Variants in CGGBP1 observed in about 807,000 individuals in gnomAD.
CGGBP1 encodes CGG triplet repeat binding protein 1, also known as CGG triplet repeat-binding protein 1.
CGGBP1 carries 4 observed loss-of-function variants against 11.4 expected under a neutral mutation model. The observed-to-expected ratio is 0.35, with a 90% CI of 0.17 to 0.80. The LOEUF (loss-of-function observed/expected upper bound fraction) is 0.80. Among genes scored for constraint, CGGBP1 ranks in the 30% least tolerant of loss-of-function variants. The probability of loss-of-function intolerance (pLI) is 0.52; values close to 1 mark genes in which losing one functional copy is unlikely to be tolerated. For synonymous variants in CGGBP1, 76 were observed against 74.1 expected (o/e 1.03, Z -0.13); for missense variants, 135 against 202.1 (o/e 0.67, Z 2.01).
At chr3:88,129,926 C>G (rs755669801) in intron 2 of CGGBP1, 1 of 1,112,736 alleles carries the variant, frequency 9.0e-7, no homozygotes, top group Non-Finnish European at 1.2e-6. Context: ...AAATGTCAAG[C>G]TACTTTTAAA....
intron 2 of CGGBP1, among the ~76,000 whole-genome samples, chr3:88,136,398 A>G (rs1706785956): frequency 6.6e-6 from 1 of 152,210 alleles, no homozygotes; most frequent in Admixed American, 6.6e-5. Context: ...ACTCTACTAA[A>G]AAGACTTTTA....
At chr3:88,135,758 G>A (rs555915404) in intron 2 of CGGBP1, among the ~76,000 whole-genome samples, 103 of 152,166 alleles carry the variant, frequency 6.8e-4, no homozygotes, top group African/African-American at 2.3e-3. Context: ...TGAGTCTTAC[G>A]TAGACATGAA....
intron 2 of CGGBP1, among the ~76,000 whole-genome samples, chr3:88,110,608 A>G (rs980257969): frequency 6.6e-6 from 1 of 152,090 alleles, no homozygotes; most frequent in African/African-American, 2.4e-5. Context: ...CTTGCTGTAG[A>G]CTGTTACTCA....
intron 3 of CGGBP1, 124 bp downstream of exon 3, chr3:88,057,067 T>G (rs1706562532): frequency 1.3e-5 from 2 of 152,164 alleles, no homozygotes; most frequent in African/African-American, 4.8e-5. Flanking sequence ...AAAGTGAATT[T>G]GATAAAATTC....
Position 88,053,607 on chromosome 3 carries a change from G to A in CGGBP1, c.*1866C>T, listed in dbSNP as rs1051383. The stretch of plus-strand genomic sequence containing the variant: ...CAAATTAATACCCAAATAATAGGGA[G>A]CAGTTTGAATCACATGGAATTTCAA... On this transcript the variant is annotated 3_prime_UTR_variant, in exon 4 of 4. Coordinates refer to ENST00000482016, the MANE Select transcript of CGGBP1 (RefSeq NM_001008390.2). The A allele has an allele frequency of 0.78, 119,266 of 152,420 alleles. 47,581 individuals carry two copies. The highest frequency in any genetic ancestry group is 0.91 in the South Asian group (4,392 of 4,828). The allele number at this position is 152,420 out of a possible 1,614,324, so 9.4% of individuals were successfully genotyped here. A position where few individuals can be genotyped will look rare whatever the true frequency, so the allele number is the denominator to read the frequency against.
At chr3:88,066,462 T>C (rs777270162) in intron 2 of CGGBP1, among the ~76,000 whole-genome samples, 2 of 152,042 alleles carry the variant, frequency 1.3e-5, no homozygotes, top group South Asian at 2.1e-4. Flanking sequence ...TAGTCCCAGC[T>C]ACTTGGGAGG....
intron 2 of CGGBP1, among the ~76,000 whole-genome samples, chr3:88,136,694 T>G (rs1276283145): frequency 2.0e-5 from 3 of 152,148 alleles, no homozygotes; most frequent in Non-Finnish European, 2.9e-5. Flanking sequence ...TGGCAGAGAC[T>G]GTGTGTGTTA....
intron 2 of CGGBP1, among the ~76,000 whole-genome samples, chr3:88,126,579 CT>C (rs144091813): frequency 0.34 from 27,644 of 81,752 alleles, 3,475 homozygotes; most frequent in Non-Finnish European, 0.37. Context: ...GTAGAAACAT[CT>C]TTTTTTTTTT....
chr3:88,092,876 G>C (rs1703830292), intron 2 of CGGBP1, among the ~76,000 whole-genome samples: 1 of 152,120 alleles, frequency 6.6e-6, no homozygotes, highest in Non-Finnish European at 1.5e-5. Context: ...CCTTCTATCA[G>C]CTGGGACACT....
intron 2 of CGGBP1, among the ~76,000 whole-genome samples, chr3:88,082,284 G>A (rs1437144787): frequency 1.3e-5 from 2 of 151,956 alleles, no homozygotes; most frequent in African/African-American, 2.4e-5. Context: ...GTGCCACCAC[G>A]CCCAGCTAAT....
At chr3:88,113,215 C>G (rs1705197965) in intron 2 of CGGBP1, 1 of 1,465,140 alleles carries the variant, frequency 6.8e-7, no homozygotes, top group Non-Finnish European at 9.2e-7. Flanking sequence ...CAGTTTACTA[C>G]TTCACACTTT....
chr3:88,066,589 A>C (rs75385040), intron 2 of CGGBP1, among the ~76,000 whole-genome samples: 1 of 151,746 alleles, frequency 6.6e-6, no homozygotes, highest in Non-Finnish European at 1.5e-5. Context: ...CAAAAAAAAC[A>C]AAAAAACCTC....
intron 2 of CGGBP1, among the ~76,000 whole-genome samples, chr3:88,101,801 G>T (rs1475527234): frequency 6.6e-6 from 1 of 152,108 alleles, no homozygotes; most frequent in Non-Finnish European, 1.5e-5. Flanking sequence ...GGGGGTAGCA[G>T]TTTCTTTACA....
chr3:88,113,819 C>T (rs1263853818), intron 2 of CGGBP1, among the ~76,000 whole-genome samples: 2 of 55,054 alleles, frequency 3.6e-5, no homozygotes, highest in Non-Finnish European at 1.1e-4. Context: ...ATACAGACAA[C>T]ATATCTTATA....
intron 2 of CGGBP1, among the ~76,000 whole-genome samples, chr3:88,104,002 T>C (rs1704591900): frequency 1.3e-5 from 2 of 152,006 alleles, no homozygotes; most frequent in African/African-American, 4.8e-5. Context: ...CCTCAGGCGA[T>C]CCACCTGCCT....
intron 1 of CGGBP1, among the ~76,000 whole-genome samples, chr3:88,148,905 T>A (rs1461128765): frequency 6.6e-6 from 1 of 152,162 alleles, no homozygotes; most frequent in Admixed American, 6.5e-5. Flanking sequence ...CATCCCGAAG[T>A]GCTGAGATTA....
chr3:88,126,019 T>G (rs1706079476), intron 2 of CGGBP1: 1 of 1,155,810 alleles, frequency 8.7e-7, no homozygotes, highest in Non-Finnish European at 1.2e-6. Flanking sequence ...ACCCTTTCTC[T>G]TTTATAATTT....
At chr3:88,086,535 T>C in intron 2 of CGGBP1, 1 of 816,874 alleles carries the variant, frequency 1.2e-6, no homozygotes, top group Non-Finnish European at 1.8e-6. Flanking sequence ...TTTTTTTCAC[T>C]GAAGTATTCA....
At chr3:88,108,298 A>G (rs1704869626) in intron 2 of CGGBP1, among the ~76,000 whole-genome samples, 1 of 151,792 alleles carries the variant, frequency 6.6e-6, no homozygotes, top group Non-Finnish European at 1.5e-5. Flanking sequence ...TGGTGTAGCT[A>G]TTTGAATTTT....
Sources: gnomAD v4.1 joint callset for allele counts (sites outside exome capture counted in the v4.1 genomes callset) on GRCh38, gnomAD v4.1.1 for gene constraint, MANE v1.5 for transcripts, NCBI Gene and HGNC (gene_info 2026-07-23, HGNC 2026-07-21) for gene names.